The following LPCAT2 variants were observed in gnomAD, a reference collection of about 807,000 sequenced individuals.
LPCAT2 encodes the protein lysophosphatidylcholine acyltransferase 2.
LPCAT2 carries 58 observed loss-of-function variants against 64.7 expected under a neutral mutation model. The observed-to-expected ratio is 0.90, with a 90% confidence interval of 0.73 to 1.12. The LOEUF (loss-of-function observed/expected upper bound fraction) is 1.12, where lower values mean the gene tolerates loss of function less well. LPCAT2 is among the 50% of genes most tolerant of loss of function. The pLI, the probability that LPCAT2 is intolerant of heterozygous loss-of-function variation, is 0.00. For missense variants in LPCAT2, 579 were observed against 669.8 expected (o/e 0.86, Z 1.50); for synonymous variants, 252 against 245.3 (o/e 1.03, Z -0.26).
At chr16:55,569,135 C>G (rs1207247541) in intron 11 of LPCAT2, among the ~76,000 whole-genome samples, 2 of 152,158 alleles carry the variant, frequency 1.3e-5, no homozygotes. Context: ...TGTTAACATC[C>G]CTCAGCTTCC....
chr16:55,557,698 C>T (rs1478118644), intron 11 of LPCAT2, among the ~76,000 whole-genome samples: 1 of 152,090 alleles, frequency 6.6e-6, no homozygotes, highest in Admixed American at 6.6e-5. Flanking sequence ...CTTTTCTTAT[C>T]TTTCCTCAAG....
At chr16:55,557,394 A>T (rs1387252842) in intron 11 of LPCAT2, among the ~76,000 whole-genome samples, 1 of 151,952 alleles carries the variant, frequency 6.6e-6, no homozygotes, top group Non-Finnish European at 1.5e-5. Flanking sequence ...GCCACACCTT[A>T]TACACATACC....
intron 11 of LPCAT2, among the ~76,000 whole-genome samples, chr16:55,558,407 C>T (rs1290785979): frequency 6.6e-6 from 1 of 152,248 alleles, no homozygotes; most frequent in African/African-American, 2.4e-5. Flanking sequence ...GCCCTGGCAG[C>T]GGTATCTTCT....
intron 11 of LPCAT2, among the ~76,000 whole-genome samples, chr16:55,572,513 A>G (rs1963781362): frequency 6.6e-6 from 1 of 152,222 alleles, no homozygotes; most frequent in African/African-American, 2.4e-5. Flanking sequence ...AGGTTCAGTA[A>G]AAACAGCCCT....
At position 55,583,137 on chromosome 16, in the gene LPCAT2, C is replaced by T. The variant is rs938079587; in HGVS notation, c.*39C>T. On this transcript the variant is annotated 3_prime_UTR_variant, in exon 14 of 14. Coordinates refer to ENST00000262134, the MANE Select transcript of LPCAT2 (RefSeq NM_017839.5). ...AATAAGGAAAACACAGTAGCTTTTG[C>T]TTGAAATTGTAAAGGCACTTATTGA... 5.4e-6 allele frequency: 8 copies of T among 1,494,684 alleles called. No homozygotes were observed. The highest frequency in any genetic ancestry group is 6.4e-6 in the Non-Finnish European group (7 of 1,098,854). The allele number at this position is 1,494,684 out of a possible 1,614,324, so 92.6% of individuals were successfully genotyped here. A position where few individuals can be genotyped will look rare whatever the true frequency, so the allele number is the denominator to read the frequency against.
At chr16:55,544,838 T>G (rs1963435541) in intron 8 of LPCAT2, among the ~76,000 whole-genome samples, 1 of 152,170 alleles carries the variant, frequency 6.6e-6, no homozygotes, top group African/African-American at 2.4e-5. Context: ...TGACAAATCT[T>G]GGGCTGAATT....
intron 8 of LPCAT2, among the ~76,000 whole-genome samples, chr16:55,544,458 G>A (rs1444007436): frequency 1.3e-5 from 2 of 152,160 alleles, no homozygotes; most frequent in African/African-American, 4.8e-5. Context: ...GCTTCTTGAG[G>A]GCAGGGACTT....
In LPCAT2 at chr16:55,532,889, A is replaced by G; in HGVS notation, c.762+7A>G. 1 of 1,609,544 alleles carries G rather than the reference A, an allele frequency of 6.2e-7. No homozygotes were observed. Among genetic ancestry groups the G allele is most frequent in the Non-Finnish European group, 8.5e-7 (1 of 1,176,572 alleles). On this transcript the variant is annotated splice_region_variant and intron_variant, in intron 6 of 13. Transcript: ENST00000262134. The stretch of plus-strand genomic sequence containing the variant: ...CAGATACCCAAACAAGCTGGTAAGC[A>G]CAGTATTTTACCACAGGAAGAATTT...
intron 6 of LPCAT2, among the ~76,000 whole-genome samples, chr16:55,533,406 GTTTTTTT>G (rs11335464): frequency 8.3e-5 from 8 of 96,444 alleles, no homozygotes; most frequent in African/African-American, 2.9e-4. Context: ...TGTTTTTCGG[GTTTTTTT>G]TTTTTTTTTT....
intron 8 of LPCAT2, among the ~76,000 whole-genome samples, chr16:55,544,688 G>A (rs1963433653): frequency 6.6e-6 from 1 of 152,042 alleles, no homozygotes; most frequent in Non-Finnish European, 1.5e-5. Flanking sequence ...TAGCTTTCCT[G>A]TGTGCACTCT....
chr16:55,518,852 C>A (rs540100609), intron 1 of LPCAT2, among the ~76,000 whole-genome samples: 49 of 114,614 alleles, frequency 4.3e-4, no homozygotes, highest in Admixed American at 4.0e-3. Context: ...TGTAGATCTT[C>A]ATGACCTTGA....
intron 12 of LPCAT2, 54 bp downstream of exon 12, chr16:55,574,783 C>T (rs557990149): frequency 1.6e-6 from 2 of 1,243,510 alleles, no homozygotes; most frequent in East Asian, 2.3e-5. Context: ...CAAGTGTTGA[C>T]TCTAAGTGTA....
At chr16:55,522,540 G>A (rs1405788007) in intron 1 of LPCAT2, among the ~76,000 whole-genome samples, 1 of 151,648 alleles carries the variant, frequency 6.6e-6, no homozygotes, top group African/African-American at 2.4e-5. Context: ...AAATGAAGAA[G>A]AAGAATATAT....
chr16:55,558,392 A>G (rs1438958810), intron 11 of LPCAT2, among the ~76,000 whole-genome samples: 1 of 152,252 alleles, frequency 6.6e-6, no homozygotes, highest in Non-Finnish European at 1.5e-5. Context: ...CAGCAGTTGT[A>G]TGCTGCCCTG....
chr16:55,560,866 AT>A (rs760778632), intron 11 of LPCAT2, among the ~76,000 whole-genome samples: 86 of 150,616 alleles, frequency 5.7e-4, no homozygotes, highest in African/African-American at 1.4e-3. Flanking sequence ...CAATTCAATA[AT>A]TTTTTTTTTG....
chr16:55,549,679 G>C (rs1963493852), intron 10 of LPCAT2, among the ~76,000 whole-genome samples: 1 of 152,190 alleles, frequency 6.6e-6, no homozygotes, highest in Non-Finnish European at 1.5e-5. Flanking sequence ...GAGGGAGTTA[G>C]TGGCTCAGAG....
intron 12 of LPCAT2, among the ~76,000 whole-genome samples, chr16:55,578,570 G>A (rs1213542046): frequency 6.6e-6 from 1 of 152,020 alleles, no homozygotes; most frequent in African/African-American, 2.4e-5. Flanking sequence ...TCCTGCCTCT[G>A]GTTTTATCAA....
At chr16:55,573,283 C>T (rs374365246) in intron 11 of LPCAT2, among the ~76,000 whole-genome samples, 3 of 152,170 alleles carry the variant, frequency 2.0e-5, no homozygotes, top group Admixed American at 1.3e-4. Context: ...TCCCCAAATT[C>T]ATCCATGAAA....
chr16:55,530,754 C>T (rs1963242203), intron 4 of LPCAT2, among the ~76,000 whole-genome samples: 1 of 152,054 alleles, frequency 6.6e-6, no homozygotes, highest in African/African-American at 2.4e-5. Flanking sequence ...TGATTTTTCT[C>T]TGTGGATCCA....
Sources: allele counts gnomAD v4.1 joint callset (sites outside exome capture counted in the v4.1 genomes callset), GRCh38; gene constraint gnomAD v4.1.1; transcripts MANE v1.5; gene names NCBI Gene and HGNC (gene_info 2026-07-23, HGNC 2026-07-21).